CWC27: variants seen among roughly 807,000 people sequenced by gnomAD.
The protein encoded by CWC27 is spliceosome-associated protein CWC27 homolog.
Under a neutral mutation model 63.6 loss-of-function variants are expected in CWC27, and 47 were observed. The observed-to-expected ratio is 0.74, with a 90% CI of 0.58 to 0.94. The LOEUF is 0.94. Among genes scored for constraint, CWC27 ranks in the 40% least tolerant of loss-of-function variants. The probability of loss-of-function intolerance (pLI) is 0.00; values close to 1 mark genes in which losing one functional copy is unlikely to be tolerated. For missense variants in CWC27, 495 were observed against 554.3 expected (o/e 0.89, Z 1.07); for synonymous variants, 175 against 179.8 (o/e 0.97, Z 0.22).
intron 7 of CWC27, among the ~76,000 whole-genome samples, chr5:64,798,360 A>G (rs954027426): frequency 2.6e-5 from 4 of 152,160 alleles, no homozygotes; most frequent in African/African-American, 7.2e-5. Context: ...TCCAACCACC[A>G]TCTTTCTTCT....
At chr5:64,912,612 T>A (rs1004853255) in intron 11 of CWC27, among the ~76,000 whole-genome samples, 5 of 152,190 alleles carry the variant, frequency 3.3e-5, no homozygotes, top group Non-Finnish European at 7.4e-5. Flanking sequence ...TTTTAAGGAC[T>A]AATCATATTG....
intron 7 of CWC27, among the ~76,000 whole-genome samples, chr5:64,795,371 T>C (rs1744229140): frequency 6.6e-6 from 1 of 152,216 alleles, no homozygotes; most frequent in African/African-American, 2.4e-5. Flanking sequence ...TTTTAACAAA[T>C]TGCCATAAAC....
chr5:64,880,883 A>G lies in CWC27; in HGVS notation c.939-4560A>G, dbSNP rs144489729. Among the ~76,000 whole-genome samples the G allele has an allele frequency of 4.3e-3, 562 of 130,050 alleles. 2 individuals are homozygous for G. The highest frequency in any genetic ancestry group is 0.015 in the African/African-American group (523 of 33,908). 85.3% of individuals were successfully genotyped at this position (130,050 alleles called of 152,430 possible). ...TTTTTTTTTTTTTTTTTACCATTTA[A>G]GCAGAGACTAGGCTTTGAGGAGGCC... On this transcript the variant is annotated intron_variant, in intron 10 of 13. Transcript: ENST00000381070.
intron 13 of CWC27, among the ~76,000 whole-genome samples, chr5:64,986,236 G>A (rs1749424247): frequency 6.6e-6 from 1 of 152,152 alleles, no homozygotes; most frequent in Admixed American, 6.5e-5. Context: ...TGGATTGTAA[G>A]GATACATTTA....
chr5:64,998,134 G>A (rs1284825136), intron 13 of CWC27, among the ~76,000 whole-genome samples: 3 of 152,010 alleles, frequency 2.0e-5, no homozygotes, highest in Non-Finnish European at 2.9e-5. Flanking sequence ...TTAACCCTGC[G>A]CTTTCATATG....
At chr5:64,814,802 T>C (rs1288514534) in intron 10 of CWC27, among the ~76,000 whole-genome samples, 1 of 152,122 alleles carries the variant, frequency 6.6e-6, no homozygotes, top group South Asian at 2.1e-4. Context: ...GGGGATGGAT[T>C]AGAAGGAGAC....
chr5:64,771,704 G>A (rs919568329), intron 1 of CWC27, among the ~76,000 whole-genome samples: 1 of 152,052 alleles, frequency 6.6e-6, no homozygotes, highest in Non-Finnish European at 1.5e-5. Context: ...ATGTTTATAA[G>A]AAACATGATA....
chr5:64,967,960 T>G (rs1749049411), intron 11 of CWC27, among the ~76,000 whole-genome samples: 1 of 151,930 alleles, frequency 6.6e-6, no homozygotes. Flanking sequence ...AAAGATATAC[T>G]TAAGAAAATG....
intron 11 of CWC27, among the ~76,000 whole-genome samples, chr5:64,918,536 T>C (rs1309651015): frequency 6.6e-6 from 1 of 152,052 alleles, no homozygotes; most frequent in African/African-American, 2.4e-5. Context: ...TACACCAAAA[T>C]ATATACAACT....
intron 11 of CWC27, among the ~76,000 whole-genome samples, chr5:64,893,787 C>A (rs1441322109): frequency 2.0e-5 from 3 of 152,178 alleles, no homozygotes; most frequent in Non-Finnish European, 4.4e-5. Flanking sequence ...CATTATGCTG[C>A]AGTATGTTAA....
intron 2 of CWC27, among the ~76,000 whole-genome samples, chr5:64,781,411 G>C (rs1177182317): frequency 5.3e-5 from 8 of 152,150 alleles, no homozygotes; most frequent in Non-Finnish European, 8.8e-5. Context: ...GAGGAAAAGA[G>C]GAAGCAGTGG....
intron 13 of CWC27, among the ~76,000 whole-genome samples, chr5:64,989,178 G>A (rs192129049): frequency 8.5e-5 from 13 of 152,206 alleles, no homozygotes; most frequent in Non-Finnish European, 1.9e-4. Context: ...CATTCTCTTG[G>A]GGCCACAGCT....
At chr5:65,007,901 T>C (rs1749880064) in intron 13 of CWC27, among the ~76,000 whole-genome samples, 1 of 152,172 alleles carries the variant, frequency 6.6e-6, no homozygotes, top group Non-Finnish European at 1.5e-5. Flanking sequence ...GTGCTGGGAT[T>C]ACAGGCGTGA....
intron 11 of CWC27, among the ~76,000 whole-genome samples, chr5:64,959,643 C>G (rs1444260781): frequency 6.6e-6 from 1 of 152,156 alleles, no homozygotes. Flanking sequence ...TATCTAATCC[C>G]TTATACCTCA....
In CWC27 at chr5:64,972,005, T is replaced by C. The variant is rs186818367; in HGVS notation, c.1152+193T>C. Among the ~76,000 whole-genome samples the C allele has an allele frequency of 1.3e-3, 201 of 152,300 alleles. 1 individual carries two copies. Among genetic ancestry groups the C allele is most frequent in the African/African-American group, 4.5e-3 (186 of 41,566 alleles). ...AAACTCTGGAGTTCTTTCCAGACATTGGTGGTGAAAAAGCCTGGAACTTCC... is the reference window on the plus strand; with the variant it reads ...AAACTCTGGAGTTCTTTCCAGACATCGGTGGTGAAAAAGCCTGGAACTTCC... On this transcript the variant is annotated intron_variant, in intron 12 of 13. Transcript: ENST00000381070.
intron 7 of CWC27, among the ~76,000 whole-genome samples, chr5:64,793,187 G>A (rs1744138419): frequency 6.6e-6 from 1 of 152,050 alleles, no homozygotes; most frequent in South Asian, 2.1e-4. Context: ...GCCTTCATGA[G>A]CACTCCCATT....
intron 10 of CWC27, among the ~76,000 whole-genome samples, chr5:64,830,769 T>C (rs1190393607): frequency 1.3e-5 from 2 of 152,050 alleles, no homozygotes; most frequent in African/African-American, 4.8e-5. Flanking sequence ...GGGCAAAGGA[T>C]ATGAACAGAC....
chr5:64,880,758 A>AT (rs1746914060), intron 10 of CWC27, among the ~76,000 whole-genome samples: 1 of 151,854 alleles, frequency 6.6e-6, no homozygotes, highest in Non-Finnish European at 1.5e-5. Context: ...TGGTGGATAA[A>AT]TGCTGATGTC....
At chr5:64,928,768 A>G (rs1389864688) in intron 11 of CWC27, among the ~76,000 whole-genome samples, 2 of 152,206 alleles carry the variant, frequency 1.3e-5, no homozygotes, top group Non-Finnish European at 2.9e-5. Flanking sequence ...TGTTCTAAAT[A>G]TTTTAGAAAT....
Sources: allele counts gnomAD v4.1 joint callset (sites outside exome capture counted in the v4.1 genomes callset), GRCh38; gene constraint gnomAD v4.1.1; transcripts MANE v1.5; gene names NCBI Gene and HGNC (gene_info 2026-07-23, HGNC 2026-07-21).